SLC16A7: variants seen among roughly 807,000 people sequenced by gnomAD.
SLC16A7 encodes the protein solute carrier family 16 member 7, also known as monocarboxylate transporter 2.
A neutral mutation model predicts 34.9 loss-of-function variants in SLC16A7; 33 were observed. The observed-to-expected ratio is 0.94, with a 90% CI of 0.72 to 1.26. The LOEUF (loss-of-function observed/expected upper bound fraction) is 1.26, where lower values mean the gene tolerates loss of function less well. Ranked by LOEUF, SLC16A7 falls within the 50% of genes most tolerant of loss-of-function variation. The probability of loss-of-function intolerance (pLI) is 0.00; values close to 1 mark genes in which losing one functional copy is unlikely to be tolerated. For missense variants in SLC16A7, 573 were observed against 578.1 expected, an observed-to-expected ratio of 0.99 and a Z score of 0.09; for synonymous variants, 201 against 206.6, an observed-to-expected ratio of 0.97 and a Z score of 0.23.
intron 3 of SLC16A7, among the ~76,000 whole-genome samples, chr12:59,727,073 T>C (rs2706319): frequency 0.43 from 64,830 of 150,374 alleles, 15,279 homozygotes; most frequent in African/African-American, 0.63. Context: ...AAACACTGAC[T>C]GGTGTTGGAG....
intron 1 of SLC16A7, among the ~76,000 whole-genome samples, chr12:59,646,998 G>C (rs1868258968): frequency 6.6e-6 from 1 of 152,142 alleles, no homozygotes; most frequent in Non-Finnish European, 1.5e-5. Flanking sequence ...ATTGTATCTA[G>C]GAAGTAATTA....
In SLC16A7 at chr12:59,786,165, C is replaced by T. The variant is rs932772701; in HGVS notation, c.*6486C>T. 4 of 148,736 alleles carry T rather than the reference C, an allele frequency of 2.7e-5. No homozygotes were observed. Among genetic ancestry groups the T allele is most frequent in the African/African-American group, 7.6e-5 (3 of 39,706 alleles). The allele number at this position is 148,736 out of a possible 1,614,324, so 9.2% of individuals were successfully genotyped here. A position where few individuals can be genotyped will look rare whatever the true frequency, so the allele number is the denominator to read the frequency against. On this transcript the variant is annotated 3_prime_UTR_variant, in exon 6 of 6. Transcript: ENST00000547379. ...CTAACCTGCACATTGTGCACATGTA[C>T]CCTAAAACTTAAAGTATAATAATAA...
intron 1 of SLC16A7, among the ~76,000 whole-genome samples, chr12:59,599,145 A>G (rs1463489619): frequency 6.6e-6 from 1 of 152,218 alleles, no homozygotes; most frequent in African/African-American, 2.4e-5. Context: ...AGCCCAGTAC[A>G]GTGTCTGGCA....
intron 3 of SLC16A7, among the ~76,000 whole-genome samples, chr12:59,713,249 A>C (rs1366845924): frequency 1.3e-5 from 2 of 151,812 alleles, no homozygotes; most frequent in African/African-American, 4.8e-5. Context: ...CAAGCTCCCA[A>C]CCTCAGGTGT....
intron 2 of SLC16A7, among the ~76,000 whole-genome samples, chr12:59,679,392 C>A (rs1870571941): frequency 6.6e-6 from 1 of 152,196 alleles, no homozygotes; most frequent in African/African-American, 2.4e-5. Flanking sequence ...CCACCACTGC[C>A]ATCATCAACT....
chr12:59,717,026 G>A (rs923839426), intron 3 of SLC16A7, among the ~76,000 whole-genome samples: 13 of 152,102 alleles, frequency 8.5e-5, no homozygotes, highest in Admixed American at 7.9e-4. Flanking sequence ...TTTTGGCAAC[G>A]GCAGCTGTAA....
At chr12:59,766,289 G>A (rs1374379379) in intron 3 of SLC16A7, among the ~76,000 whole-genome samples, 3 of 152,138 alleles carry the variant, frequency 2.0e-5, no homozygotes, top group African/African-American at 4.8e-5. Flanking sequence ...GGGACAATTT[G>A]ACTTCCTCTT....
chr12:59,687,220 G>T (rs1871231957), intron 2 of SLC16A7, among the ~76,000 whole-genome samples: 1 of 151,838 alleles, frequency 6.6e-6, no homozygotes, highest in South Asian at 2.1e-4. Flanking sequence ...TAAGTGGGGG[G>T]TGGGGGCAGA....
intron 1 of SLC16A7, among the ~76,000 whole-genome samples, chr12:59,622,751 T>C (rs75131866): frequency 0.015 from 2,215 of 151,920 alleles, 45 homozygotes; most frequent in African/African-American, 0.051. Flanking sequence ...TCCAAAACAA[T>C]AACTGCTAGC....
intron 2 of SLC16A7, among the ~76,000 whole-genome samples, chr12:59,697,581 T>C (rs1872455285): frequency 6.6e-6 from 1 of 151,944 alleles, no homozygotes; most frequent in Non-Finnish European, 1.5e-5. Flanking sequence ...AGTCAAGATA[T>C]ATTTAGCAAA....
intron 1 of SLC16A7, among the ~76,000 whole-genome samples, chr12:59,617,524 C>G (rs1480750376): frequency 6.6e-6 from 1 of 151,808 alleles, no homozygotes; most frequent in Admixed American, 6.6e-5. Context: ...CCTGTACATA[C>G]CTGAAGAGTA....
chr12:59,764,730 C>A (rs1489794371), intron 3 of SLC16A7, among the ~76,000 whole-genome samples: 1 of 152,070 alleles, frequency 6.6e-6, no homozygotes, highest in African/African-American at 2.4e-5. Context: ...TCCAGTCTAT[C>A]ATTGTTGGAC....
intron 1 of SLC16A7, among the ~76,000 whole-genome samples, chr12:59,610,347 A>G (rs1449315013): frequency 1.3e-5 from 2 of 152,210 alleles, no homozygotes; most frequent in African/African-American, 4.8e-5. Context: ...CCACATGTAC[A>G]ATTCCTCTTT....
At chr12:59,600,784 C>A (rs913258673) in intron 1 of SLC16A7, among the ~76,000 whole-genome samples, 1 of 152,138 alleles carries the variant, frequency 6.6e-6, no homozygotes, top group Non-Finnish European at 1.5e-5. Context: ...GCACCATAGA[C>A]AATTTCAACA....
intron 3 of SLC16A7, chr12:59,761,081 TATTTA>T (rs1388093096): frequency 1.3e-5 from 11 of 822,820 alleles, no homozygotes; most frequent in Non-Finnish European, 1.2e-5. Flanking sequence ...GACAATATGA[TATTTA>T]ATTGAAGAAG....
Position 59,601,883 on chromosome 12 carries a change from A to G in SLC16A7, c.-130+5647A>G, listed in dbSNP as rs772741253. 2.7e-3 allele frequency among the ~76,000 whole-genome samples: 411 copies of G among 152,290 alleles called. 5 individuals carry two copies. The highest frequency in any genetic ancestry group is 2.1e-3 in the Non-Finnish European group (142 of 68,028). ...GACCTACTTAACTCCCAAAGTCCCC[A>G]TGTCTTAATACCACTCCTTTGGGGA... On this transcript the variant is annotated intron_variant, in intron 1 of 5. Coordinates refer to ENST00000547379, the MANE Select transcript of SLC16A7 (RefSeq NM_001270623.2).
At chr12:59,702,007 C>G (rs909213268) in intron 2 of SLC16A7, among the ~76,000 whole-genome samples, 3 of 151,750 alleles carry the variant, frequency 2.0e-5, no homozygotes, top group African/African-American at 7.2e-5. Context: ...TGTTTTTACA[C>G]GCTGATTATA....
At chr12:59,772,113 T>C (rs12322903) in intron 4 of SLC16A7, among the ~76,000 whole-genome samples, 2,662 of 152,242 alleles carry the variant, frequency 0.017, 64 homozygotes, top group African/African-American at 0.059. Flanking sequence ...GACTTCAATA[T>C]ATAAAGAGAC....
chr12:59,611,715 A>G (rs1879202818), intron 1 of SLC16A7, among the ~76,000 whole-genome samples: 1 of 152,152 alleles, frequency 6.6e-6, no homozygotes, highest in African/African-American at 2.4e-5. Context: ...ATTAATAGAT[A>G]CAATAGGGTA....
Sources: gnomAD v4.1 joint callset for allele counts (sites outside exome capture counted in the v4.1 genomes callset) on GRCh38, gnomAD v4.1.1 for gene constraint, MANE v1.5 for transcripts, NCBI Gene and HGNC (gene_info 2026-07-23, HGNC 2026-07-21) for gene names.